CELF2: variants seen among roughly 807,000 people sequenced by gnomAD.
The protein encoded by CELF2 is CUGBP Elav-like family member 2.
A neutral mutation model predicts 62.6 loss-of-function variants in CELF2; 8 were observed. The observed-to-expected ratio is 0.13, with a 90% CI of 0.07 to 0.23. CELF2 has a LOEUF of 0.23. Among genes scored for constraint, CELF2 ranks in the 10% least tolerant of loss-of-function variants. The pLI, the probability that CELF2 is intolerant of heterozygous loss-of-function variation, is 1.00. For synonymous variants in CELF2, 258 were observed against 250.0 expected (o/e 1.03, Z -0.30); for missense variants, 333 against 671.0 (o/e 0.50, Z 5.56).
At chr10:10,505,226 G>A in the CELF2 span, among the ~76,000 whole-genome samples, 2 of 152,016 alleles carry the variant, frequency 1.3e-5, no homozygotes, top group Non-Finnish European at 2.9e-5. Flanking sequence ...CCTAATGGAG[G>A]GTACTGCCTC....
At chr10:10,632,139 C>A in the CELF2 span, among the ~76,000 whole-genome samples, 1 of 152,154 alleles carries the variant, frequency 6.6e-6, no homozygotes, top group Non-Finnish European at 1.5e-5. Flanking sequence ...ATGCTTTAGG[C>A]TATAGTCTCA....
At chr10:10,668,729 G>A in the CELF2 span, among the ~76,000 whole-genome samples, 3 of 152,132 alleles carry the variant, frequency 2.0e-5, no homozygotes, top group Non-Finnish European at 2.9e-5. Flanking sequence ...AGGCCGAGGT[G>A]GGGGAATCAC....
the CELF2 span, among the ~76,000 whole-genome samples, chr10:10,760,956 A>G: frequency 6.6e-6 from 1 of 152,210 alleles, no homozygotes; most frequent in African/African-American, 2.4e-5. Flanking sequence ...GGGAAGTCAC[A>G]GAAGAATTTT....
chr10:11,247,407 C>T lies in CELF2; in HGVS notation c.355-1746C>T, dbSNP rs538258706. Among the ~76,000 whole-genome samples the T allele has an allele frequency of 1.3e-5, 2 of 152,346 alleles. No homozygotes were observed. Among genetic ancestry groups the T allele is most frequent in the East Asian group, 3.9e-4 (2 of 5,174 alleles). On this transcript the variant is annotated intron_variant, in intron 3 of 12. Coordinates refer to ENST00000633077, the MANE Select transcript of CELF2 (RefSeq NM_001326342.2). The surrounding 1 kb of genome is among the most constrained non-coding windows in gnomAD (Gnocchi z 5.4). ...TTCACATGCCGGCCCCCCTTCAGTG[C>T]TCGCACGTCCAAGGACTCGGCCCAG...
At chr10:10,696,906 C>T in the CELF2 span, among the ~76,000 whole-genome samples, 8 of 152,188 alleles carry the variant, frequency 5.3e-5, no homozygotes, top group African/African-American at 9.7e-5. Flanking sequence ...GAGATGAACC[C>T]GGTACCTCAG....
At chr10:10,525,782 T>C in the CELF2 span, among the ~76,000 whole-genome samples, 1 of 152,270 alleles carries the variant, frequency 6.6e-6, no homozygotes, top group Non-Finnish European at 1.5e-5. Flanking sequence ...TCTAAAATGA[T>C]GTGGTAAACA....
At chr10:11,245,352 A>T (rs2075287851) in intron 3 of CELF2, among the ~76,000 whole-genome samples, 1 of 152,226 alleles carries the variant, frequency 6.6e-6, no homozygotes, top group African/African-American at 2.4e-5. Flanking sequence ...TCTGTAACTC[A>T]AATGAACTGT....
the CELF2 span, among the ~76,000 whole-genome samples, chr10:10,551,518 A>G: frequency 6.6e-6 from 1 of 152,092 alleles, no homozygotes; most frequent in African/African-American, 2.4e-5. Context: ...TCTCCACTGG[A>G]GAAGCGAATG....
chr10:10,824,605 A>G (rs1319690898), intron 1 of CELF2, among the ~76,000 whole-genome samples: 1 of 152,192 alleles, frequency 6.6e-6, no homozygotes, highest in African/African-American at 2.4e-5. Flanking sequence ...CTTTAACCCT[A>G]TTAATGTTGA....
At chr10:10,590,642 A>T in the CELF2 span, among the ~76,000 whole-genome samples, 37 of 152,182 alleles carry the variant, frequency 2.4e-4, no homozygotes, top group African/African-American at 8.7e-4. Context: ...CCACCTTGGC[A>T]GCCCAACAGG....
the CELF2 span, among the ~76,000 whole-genome samples, chr10:10,640,082 C>T: frequency 6.6e-6 from 1 of 152,154 alleles, no homozygotes; most frequent in East Asian, 1.9e-4. Flanking sequence ...TTAATGAATT[C>T]CCCTTTCTTC....
chr10:11,284,011 T>A (rs1590632397), intron 8 of CELF2, among the ~76,000 whole-genome samples: 40 of 89,276 alleles, frequency 4.5e-4, no homozygotes, highest in Middle Eastern at 0.012. Context: ...GGGATGAGTG[T>A]GTGGTGGGTG....
the CELF2 span, among the ~76,000 whole-genome samples, chr10:10,521,049 G>T: frequency 6.6e-6 from 1 of 152,184 alleles, no homozygotes; most frequent in Non-Finnish European, 1.5e-5. Flanking sequence ...GGAGTGGAAA[G>T]ATTTCAGGTT....
chr10:11,209,009 A>G (rs1390506648), intron 2 of CELF2, among the ~76,000 whole-genome samples: 1 of 152,172 alleles, frequency 6.6e-6, no homozygotes, highest in African/African-American at 2.4e-5. Context: ...TAAAGGCGTA[A>G]AAGGCTGGAG....
intron 1 of CELF2, among the ~76,000 whole-genome samples, chr10:11,064,101 C>A (rs780286617): frequency 5.3e-5 from 8 of 152,186 alleles, no homozygotes; most frequent in Non-Finnish European, 8.8e-5. Flanking sequence ...TGATCCCCTC[C>A]TTCTGGAGTT....
At chr10:10,691,843 T>C in the CELF2 span, among the ~76,000 whole-genome samples, 2 of 148,524 alleles carry the variant, frequency 1.3e-5, no homozygotes, top group Admixed American at 6.7e-5. Flanking sequence ...CGCCCACTTT[T>C]TGATGGGGTT....
At chr10:11,322,955 T>C (rs111395848) in intron 11 of CELF2, among the ~76,000 whole-genome samples, 28 of 152,152 alleles carry the variant, frequency 1.8e-4, no homozygotes, top group African/African-American at 6.7e-4. Context: ...GACAATGATA[T>C]CATCACACAG....
the CELF2 span, among the ~76,000 whole-genome samples, chr10:10,742,913 T>G: frequency 6.6e-6 from 1 of 152,264 alleles, no homozygotes; most frequent in Non-Finnish European, 1.5e-5. Context: ...TTCTTTGAAC[T>G]GAGGTTGGAT....
chr10:10,658,932 C>T, the CELF2 span, among the ~76,000 whole-genome samples: 2 of 152,066 alleles, frequency 1.3e-5, no homozygotes, highest in Non-Finnish European at 2.9e-5. Flanking sequence ...AGAGCTTTCT[C>T]TTTGGTTTGA....
Sources: gnomAD v4.1 joint callset for allele counts (sites outside exome capture counted in the v4.1 genomes callset) on GRCh38, gnomAD v4.1.1 for gene constraint, Gnocchi (gnomAD v3.1) non-coding constraint, MANE v1.5 for transcripts, NCBI Gene and HGNC (gene_info 2026-07-23, HGNC 2026-07-21) for gene names.